The following NEDD4 variants were observed in gnomAD, a reference collection of about 807,000 sequenced individuals.
NEDD4 encodes the protein NEDD4 E3 ubiquitin protein ligase.
A neutral mutation model predicts 144.9 loss-of-function variants in NEDD4; 99 were observed. That is an observed-to-expected ratio of 0.68 (90% CI 0.58 to 0.81). The LOEUF (loss-of-function observed/expected upper bound fraction) is 0.81. Among genes scored for constraint, NEDD4 ranks in the 30% least tolerant of loss-of-function variants. The pLI, the probability that NEDD4 is intolerant of heterozygous loss-of-function variation, is 0.00. For missense variants in NEDD4, 985 were observed against 1,065.9 expected (o/e 0.92, Z 1.06); for synonymous variants, 318 against 350.6 (o/e 0.91, Z 1.04).
chr15:55,829,836 A>G lies in NEDD4; in HGVS notation c.*61T>C. 1 of 1,327,158 alleles carries G rather than the reference A, an allele frequency of 7.5e-7. No homozygotes were observed. Among genetic ancestry groups the G allele is most frequent in the Non-Finnish European group, 1.0e-6 (1 of 952,514 alleles). 82.2% of individuals were successfully genotyped at this position (1,327,158 alleles called of 1,614,324 possible). On this transcript the variant is annotated 3_prime_UTR_variant, in exon 29 of 29. Coordinates refer to ENST00000435532, the MANE Select transcript of NEDD4 (RefSeq NM_006154.4). ...TTTTAGTAGTTCCCCGGAAAATTTT[A>G]AGTCAAGATTTTGGTTATAAAACTA...
intron 24 of NEDD4, among the ~76,000 whole-genome samples, chr15:55,835,625 C>A (rs796577796): frequency 6.6e-6 from 1 of 152,252 alleles, no homozygotes; most frequent in African/African-American, 2.4e-5. Context: ...ACATCTCTAT[C>A]CTTTAAGTCT....
chr15:55,904,372 G>C (rs1324494482), intron 5 of NEDD4, among the ~76,000 whole-genome samples: 1 of 151,698 alleles, frequency 6.6e-6, no homozygotes, highest in Non-Finnish European at 1.5e-5. Flanking sequence ...GCTCGATCTC[G>C]GCTCACTGCA....
intron 1 of NEDD4, 26 bp downstream of exon 1, chr15:55,993,485 G>C (rs776959817): frequency 8.8e-6 from 14 of 1,592,868 alleles, no homozygotes; most frequent in Admixed American, 3.5e-5. Flanking sequence ...AGGGAAGCCC[G>C]CCCCGCAGCC....
At chr15:55,891,298 C>A (rs1467178945) in intron 5 of NEDD4, among the ~76,000 whole-genome samples, 1 of 152,142 alleles carries the variant, frequency 6.6e-6, no homozygotes, top group East Asian at 1.9e-4. Flanking sequence ...TATGCATAGT[C>A]TCAGAAGAAG....
At chr15:55,878,770 C>T (rs371727402) in intron 5 of NEDD4, among the ~76,000 whole-genome samples, 1 of 152,162 alleles carries the variant, frequency 6.6e-6, no homozygotes, top group African/African-American at 2.4e-5. Context: ...ATGAAATGAA[C>T]GGATATACAA....
At chr15:55,964,963 C>T (rs1304562855) in intron 2 of NEDD4, among the ~76,000 whole-genome samples, 2 of 151,946 alleles carry the variant, frequency 1.3e-5, no homozygotes, top group Non-Finnish European at 2.9e-5. Flanking sequence ...TGCTTCCACT[C>T]TTGCTATGTG....
chr15:55,939,861 C>T (rs1333102838), intron 4 of NEDD4, among the ~76,000 whole-genome samples: 2 of 152,156 alleles, frequency 1.3e-5, no homozygotes, highest in Non-Finnish European at 2.9e-5. Flanking sequence ...AATCCCACTT[C>T]TAGGTATGCA....
intron 13 of NEDD4, 30 bp from the exon 14 acceptor site, chr15:55,850,772 AT>A: frequency 1.3e-6 from 2 of 1,582,868 alleles, no homozygotes; most frequent in African/African-American, 1.3e-5. Flanking sequence ...ATATTGTAAT[AT>A]TTTATAGAGA....
chr15:55,928,438 TATGGA>T (rs1462003696), intron 4 of NEDD4, among the ~76,000 whole-genome samples: 1 of 152,186 alleles, frequency 6.6e-6, no homozygotes, highest in African/African-American at 2.4e-5. Flanking sequence ...AAAGCCTGAG[TATGGA>T]ATGATCCTTC....
rs193291324 is a variant in NEDD4, at chr15:55,901,969, T to C, written c.291+22677A>G. On this transcript the variant is annotated intron_variant, in intron 5 of 28. Transcript: ENST00000435532. ...TTGGAAAAGCTATAATAGGAACTAA[T>C]AGAGTTACTTCAACATAGAGTACAT... Among the ~76,000 whole-genome samples the C allele has an allele frequency of 1.2e-4, 18 of 152,254 alleles. No homozygotes were observed. The East Asian group carries it at 3.3e-3, about 28-fold the overall frequency.
intron 4 of NEDD4, among the ~76,000 whole-genome samples, chr15:55,925,031 GCACTC>G (rs1797771111): frequency 6.6e-6 from 1 of 152,208 alleles, no homozygotes; most frequent in Non-Finnish European, 1.5e-5. Flanking sequence ...CTGTGCCATT[GCACTC>G]CAGCCTGGGC....
chr15:55,980,411 C>T (rs1566977096), intron 1 of NEDD4, among the ~76,000 whole-genome samples: 1 of 150,736 alleles, frequency 6.6e-6, no homozygotes, highest in Admixed American at 6.6e-5. Context: ...GAAGATTGAG[C>T]GAACTGGGTG....
chr15:55,842,052 A>G lies in NEDD4; in HGVS notation c.1720T>C (p.Trp574Arg). The G allele has an allele frequency of 6.2e-7, 1 of 1,614,158 alleles. No homozygotes were observed. The highest frequency in any genetic ancestry group is 1.3e-5 in the African/African-American group (1 of 75,030). Reference sequence around the variant, plus strand: ...CCCTTTTCACCATCAAACTCAATCCACAGTCGAGCCTTCAGGAAGTCTGCT... The same window carrying G: ...CCCTTTTCACCATCAAACTCAATCCGCAGTCGAGCCTTCAGGAAGTCTGCT... ...KRADFLKARL[W>R]IEFDGEKGLD... Residue 574 changes from tryptophan to arginine, a missense_variant, in exon 19 of 29, where the codon TGG (tryptophan) becomes CGG (arginine). Coordinates refer to ENST00000435532, the MANE Select transcript of NEDD4 (RefSeq NM_006154.4).
intron 4 of NEDD4, among the ~76,000 whole-genome samples, chr15:55,943,360 C>T (rs553407593): frequency 6.6e-6 from 1 of 152,296 alleles, no homozygotes; most frequent in African/African-American, 2.4e-5. Flanking sequence ...CTCCTCCTAT[C>T]ACAGCCCCAG....
intron 5 of NEDD4, 65 bp downstream of exon 5, chr15:55,924,574 ACCCACTT>A: frequency 7.5e-7 from 1 of 1,339,664 alleles, no homozygotes; most frequent in South Asian, 1.3e-5. Flanking sequence ...CAGACTGCTT[ACCCACTT>A]CCCCTGGCTG....
At position 55,924,672 on chromosome 15, in the gene NEDD4, A is replaced by G. The variant is rs1318098001; in HGVS notation, c.265T>C (p.Phe89Leu). The change falls in exon 5 of 29, where the codon TTT becomes CTT. Residue 89 changes from phenylalanine (F) to leucine (L), a missense_variant. Physicochemically the swap from Phe to Leu is conservative, Grantham distance 22. Transcript: ENST00000435532. Reference sequence around the variant, plus strand: ...AATCGGTTTTCGTCAAACACTTCAAAAAGAAGCCGGTGCTGCTGAGGATGA... The same window carrying G: ...AATCGGTTTTCGTCAAACACTTCAAGAAGAAGCCGGTGCTGCTGAGGATGA... ...RVHPQQHRLLFEVFDENRLTR... is the reference protein window; with the variant it reads ...RVHPQQHRLLLEVFDENRLTR... 6.2e-7 allele frequency: 1 copy of G among 1,610,266 alleles called. No individual in the cohort carries two copies. Among genetic ancestry groups the G allele is most frequent in the East Asian group, 2.2e-5 (1 of 44,840 alleles).
At chr15:55,905,831 C>T (rs555920788) in intron 5 of NEDD4, among the ~76,000 whole-genome samples, 13 of 152,252 alleles carry the variant, frequency 8.5e-5, no homozygotes, top group African/African-American at 2.9e-4. Flanking sequence ...GTTGCCTGTT[C>T]ACTCTGATGG....
chr15:55,850,514 A>C lies in NEDD4; in HGVS notation c.1347+28T>G, dbSNP rs1395856995. The C allele has an allele frequency of 1.9e-6, 3 of 1,604,622 alleles. No homozygotes were observed. In the African/African-American group the frequency reaches 4.0e-5, roughly 22 times the overall value. On this transcript the variant is annotated intron_variant, in intron 14 of 28. Coordinates refer to ENST00000435532, the MANE Select transcript of NEDD4 (RefSeq NM_006154.4). ...ATAAGAGATGATTATTGTTGTTATAAATTTAAATGGAAAAGTATCAAAGTT... is the reference window on the plus strand; with the variant it reads ...ATAAGAGATGATTATTGTTGTTATACATTTAAATGGAAAAGTATCAAAGTT...
intron 5 of NEDD4, among the ~76,000 whole-genome samples, chr15:55,899,042 C>T (rs1452389720): frequency 6.6e-6 from 1 of 152,156 alleles, no homozygotes; most frequent in African/African-American, 2.4e-5. Context: ...GCACAGTGAT[C>T]AGTGAAAACA....
Sources: gnomAD v4.1 joint callset for allele counts (sites outside exome capture counted in the v4.1 genomes callset) on GRCh38, gnomAD v4.1.1 for gene constraint, MANE v1.5 for transcripts, NCBI Gene and HGNC (gene_info 2026-07-23, HGNC 2026-07-21) for gene names.